ZEB1: variants seen among roughly 807,000 people sequenced by gnomAD.
ZEB1 encodes the protein zinc finger E-box binding homeobox 1, also known as zinc finger E-box-binding homeobox 1.
In ZEB1, 21 loss-of-function variants were observed where a neutral mutation model predicts 84.9. That is an observed-to-expected ratio of 0.25 (90% CI 0.18 to 0.36). The LOEUF (loss-of-function observed/expected upper bound fraction) is 0.36, where lower values mean the gene tolerates loss of function less well. ZEB1 is among the 10% of genes least tolerant of loss of function. ZEB1 has a pLI of 1.00. For synonymous variants in ZEB1, 420 were observed against 471.1 expected (o/e 0.89, Z 1.41); for missense variants, 1,104 against 1,330.2 (o/e 0.83, Z 2.65).
chr10:31,358,120 GATTA>G (rs1252376755), intron 1 of ZEB1: 1 of 152,174 alleles, frequency 6.6e-6, no homozygotes, highest in Non-Finnish European at 1.5e-5. Flanking sequence ...TAATGGATTA[GATTA>G]ATTGTGGTCT....
At chr10:31,456,270 C>G (rs11008502) in intron 1 of ZEB1, among the ~76,000 whole-genome samples, 3 of 151,902 alleles carry the variant, frequency 2.0e-5, no homozygotes, top group Admixed American at 6.6e-5. Flanking sequence ...GGGTGGGGGT[C>G]TAGGGGAGAA....
At chr10:31,389,124 CT>C (rs2049163275) in intron 1 of ZEB1, among the ~76,000 whole-genome samples, 1 of 152,034 alleles carries the variant, frequency 6.6e-6, no homozygotes, top group South Asian at 2.1e-4. Flanking sequence ...CCTATGAGAT[CT>C]ATGAGATCTT....
chr10:31,467,503 C>T (rs1250538714), intron 2 of ZEB1, among the ~76,000 whole-genome samples: 1 of 152,166 alleles, frequency 6.6e-6, no homozygotes, highest in East Asian at 1.9e-4. Context: ...CCTAAGATTG[C>T]CTGCCTGGCC....
At chr10:31,427,133 CA>C (rs201322381) in intron 1 of ZEB1, among the ~76,000 whole-genome samples, 11 of 147,138 alleles carry the variant, frequency 7.5e-5, no homozygotes, top group South Asian at 2.2e-4. Context: ...TGTCGTAATT[CA>C]AAAAAAAAAT....
intron 2 of ZEB1, among the ~76,000 whole-genome samples, chr10:31,476,676 C>T (rs2064243896): frequency 6.6e-6 from 1 of 151,938 alleles, no homozygotes; most frequent in Non-Finnish European, 1.5e-5. Context: ...TCTAGCAAAC[C>T]AGATTTATCG....
intron 1 of ZEB1, among the ~76,000 whole-genome samples, chr10:31,437,521 G>A (rs1197368320): frequency 6.6e-6 from 1 of 152,022 alleles, no homozygotes; most frequent in Non-Finnish European, 1.5e-5. Context: ...TATCCCCCTT[G>A]TTCTTTCATG....
intron 1 of ZEB1, among the ~76,000 whole-genome samples, chr10:31,352,315 C>T (rs768420339): frequency 1.3e-5 from 2 of 152,238 alleles, no homozygotes; most frequent in Middle Eastern, 6.8e-3. Flanking sequence ...TTAAGCGTTA[C>T]TGTGATTTTC....
chr10:31,483,499 G>A (rs1176757310), intron 2 of ZEB1, among the ~76,000 whole-genome samples: 1 of 151,958 alleles, frequency 6.6e-6, no homozygotes, highest in Non-Finnish European at 1.5e-5. Flanking sequence ...CAGTGCAGAG[G>A]TAATTCTGTC....
chr10:31,511,696 T>C (rs925642416), intron 5 of ZEB1, among the ~76,000 whole-genome samples: 1 of 152,192 alleles, frequency 6.6e-6, no homozygotes, highest in Non-Finnish European at 1.5e-5. Context: ...TCCAGTTTCT[T>C]ACATCAAAGA....
chr10:31,323,964 C>CGTGTGTGTGT (rs3057772), intron 1 of ZEB1, among the ~76,000 whole-genome samples: 2 of 146,402 alleles, frequency 1.4e-5, no homozygotes, highest in African/African-American at 5.0e-5. Context: ...CATGGTTCTT[C>CGTGTGTGTGT]GTGTGTGTGT....
chr10:31,498,610 A>G (rs2067635158), intron 3 of ZEB1, among the ~76,000 whole-genome samples: 1 of 152,050 alleles, frequency 6.6e-6, no homozygotes, highest in African/African-American at 2.4e-5. Context: ...AACATTATAT[A>G]CTGTCTCACA....
intron 8 of ZEB1, among the ~76,000 whole-genome samples, 179 bp downstream of exon 8, chr10:31,524,292 C>T (rs561701282): frequency 3.1e-4 from 47 of 151,832 alleles, no homozygotes; most frequent in Non-Finnish European, 6.2e-4. Flanking sequence ...AATCTCGGCT[C>T]ACTGCAACCT....
intron 1 of ZEB1, among the ~76,000 whole-genome samples, chr10:31,438,730 C>T (rs1283429747): frequency 6.6e-6 from 1 of 152,180 alleles, no homozygotes; most frequent in Non-Finnish European, 1.5e-5. Flanking sequence ...TTAGTCCCAG[C>T]TACTTGACAG....
chr10:31,342,416 G>A (rs961517185), intron 1 of ZEB1, among the ~76,000 whole-genome samples: 8 of 152,104 alleles, frequency 5.3e-5, no homozygotes, highest in South Asian at 2.1e-4. Context: ...AGATGTAGAA[G>A]GGGAGAAAGT....
chr10:31,492,944 A>G (rs764230350), intron 2 of ZEB1, among the ~76,000 whole-genome samples: 1 of 151,954 alleles, frequency 6.6e-6, no homozygotes, highest in Non-Finnish European at 1.5e-5. Context: ...TTATTTTGAC[A>G]TAATAATAGA....
Position 31,432,785 on chromosome 10 carries a change from A to G in ZEB1, c.59-28252A>G, listed in dbSNP as rs1367156867. Among the ~76,000 whole-genome samples the G allele has an allele frequency of 3.3e-5, 5 of 152,204 alleles. No individual in the cohort carries two copies. In the East Asian group the frequency reaches 9.6e-4, roughly 29 times the overall value. On this transcript the variant is annotated intron_variant, in intron 1 of 8. Coordinates refer to ENST00000424869, the MANE Select transcript of ZEB1 (RefSeq NM_001174096.2). ...AAAAATAGAAAAATTTTAAATATTT[A>G]TTCATTCTTAAAGTTACTACATGTT...
At chr10:31,403,355 CTT>C (rs1257681109) in intron 1 of ZEB1, among the ~76,000 whole-genome samples, 2 of 151,940 alleles carry the variant, frequency 1.3e-5, no homozygotes, top group East Asian at 3.9e-4. Flanking sequence ...TTGGTTAAAA[CTT>C]TTTCAAATTC....
At chr10:31,475,559 A>T (rs994908752) in intron 2 of ZEB1, among the ~76,000 whole-genome samples, 5 of 152,182 alleles carry the variant, frequency 3.3e-5, no homozygotes, top group African/African-American at 1.2e-4. Flanking sequence ...GTGTCAAATC[A>T]CCTATGAAGG....
intron 1 of ZEB1, 38 bp downstream of exon 1, chr10:31,319,330 G>T (rs759668152): frequency 2.5e-6 from 4 of 1,592,706 alleles, no homozygotes; most frequent in Non-Finnish European, 3.4e-6. Context: ...GCGGAGTCAG[G>T]GGGAGCTGGG....
Sources: gnomAD v4.1 joint callset for allele counts (sites outside exome capture counted in the v4.1 genomes callset) on GRCh38, gnomAD v4.1.1 for gene constraint, MANE v1.5 for transcripts, NCBI Gene and HGNC (gene_info 2026-07-23, HGNC 2026-07-21) for gene names.